ZFHX3: variants seen among roughly 807,000 people sequenced by gnomAD.
ZFHX3 encodes zinc finger homeobox protein 3.
Under a neutral mutation model 279.1 loss-of-function variants are expected in ZFHX3, and 42 were observed. The ratio of observed to expected loss-of-function variants is 0.15; its 90% confidence interval spans 0.12 to 0.19. The LOEUF (loss-of-function observed/expected upper bound fraction) is 0.19. Ranked by LOEUF, ZFHX3 falls within the 10% of genes least tolerant of loss-of-function variation. ZFHX3 has a pLI of 1.00. For missense variants in ZFHX3, 4,981 were observed against 4,754.0 expected (o/e 1.05, Z -1.40); for synonymous variants, 2,293 against 1,957.8 (o/e 1.17, Z -4.52).
Position 73,890,248 on chromosome 16 carries a change from A to C in ZFHX3, c.-1608+1403T>G, listed in dbSNP as rs374573512. On this transcript the variant is annotated intron_variant, in intron 1 of 17. Coordinates refer to the ZFHX3 transcript ENST00000641206. Reference sequence around the variant, plus strand: ...GAGTGTAAAAAAAAAACCAAAAAAAAAAAAAACAACAAAAAAAAACCTCTC... The same window carrying C: ...GAGTGTAAAAAAAAAACCAAAAAAACAAAAAACAACAAAAAAAAACCTCTC... Among the ~76,000 whole-genome samples, 813 of 151,320 alleles carry C rather than the reference A, an allele frequency of 5.4e-3. 4 individuals are homozygous for C. Among genetic ancestry groups the C allele is most frequent in the Admixed American group, 0.019 (282 of 15,210 alleles).
chr16:73,401,577 T>C (rs915549437), intron 3 of ZFHX3: 14 of 151,998 alleles, frequency 9.2e-5, no homozygotes, highest in African/African-American at 3.4e-4. Flanking sequence ...CGTGCTGAAT[T>C]CTAGATAACA....
At chr16:73,483,499 G>C (rs1192399898) in intron 2 of ZFHX3, 2 of 409,104 alleles carry the variant, frequency 4.9e-6, no homozygotes, top group Admixed American at 2.9e-5. Context: ...CGTCAGCCTC[G>C]ACGCTGAACA....
intron 7 of ZFHX3, chr16:73,127,389 T>C (rs1966587473): frequency 7.7e-7 from 1 of 1,305,416 alleles, no homozygotes; most frequent in African/African-American, 1.5e-5. Context: ...GCTAACTAAA[T>C]ATTTTTGGGG....
intron 5 of ZFHX3, among the ~76,000 whole-genome samples, chr16:73,234,250 A>G (rs914379936): frequency 1.3e-5 from 2 of 152,184 alleles, no homozygotes; most frequent in Non-Finnish European, 2.9e-5. Flanking sequence ...TGGAGGGCCT[A>G]TACAGACCTG....
At chr16:72,896,535 C>T (rs1351062981) in intron 3 of ZFHX3, among the ~76,000 whole-genome samples, 4 of 152,226 alleles carry the variant, frequency 2.6e-5, no homozygotes, top group Admixed American at 6.5e-5. Context: ...CGCTGTGCGA[C>T]TTTGTGGGAT....
intron 3 of ZFHX3, chr16:73,420,118 G>A (rs1428811314): frequency 6.6e-6 from 1 of 152,118 alleles, no homozygotes; most frequent in Admixed American, 6.6e-5. Context: ...ATGTTGTCCA[G>A]GCTTGTTTCA....
At chr16:72,833,929 T>G (rs1776153052) in intron 4 of ZFHX3, among the ~76,000 whole-genome samples, 2 of 152,186 alleles carry the variant, frequency 1.3e-5, no homozygotes, top group African/African-American at 4.8e-5. Flanking sequence ...ATTTCCATGT[T>G]CAACAGTGAC....
At chr16:73,777,534 CTTAG>C (rs1426521558) in intron 1 of ZFHX3, among the ~76,000 whole-genome samples, 1 of 97,288 alleles carries the variant, frequency 1.0e-5, no homozygotes, top group Non-Finnish European at 2.3e-5. Flanking sequence ...AAAAAAAAAG[CTTAG>C]TTAAATCTAA....
rs34987461 is a variant in ZFHX3, at chr16:73,004,321, C to CTTTT, written c.-50+43427_-50+43430dup. On this transcript the variant is annotated intron_variant, in intron 1 of 9. Coordinates refer to ENST00000268489, the MANE Select transcript of ZFHX3 (RefSeq NM_006885.4). ...TTTTTCTCTATCTGTATGCATCAAT[C>CTTTT]TTTTTTTTTTTTTTTTTTTTTTTTT... Among the ~76,000 whole-genome samples the CTTTT allele has an allele frequency of 1.5e-3, 79 of 52,110 alleles. 2 individuals carry two copies. The highest frequency in any genetic ancestry group is 1.7e-3 in the Non-Finnish European group (54 of 31,260). The allele number at this position is 52,110 out of a possible 152,430, so 34.2% of individuals were successfully genotyped here. A position where few individuals can be genotyped will look rare whatever the true frequency, so the allele number is the denominator to read the frequency against.
intron 4 of ZFHX3, among the ~76,000 whole-genome samples, chr16:73,308,623 C>A (rs562861650): frequency 1.3e-5 from 2 of 151,966 alleles, no homozygotes; most frequent in Non-Finnish European, 2.9e-5. Flanking sequence ...TTAATTCTCG[C>A]ATTGAATTTT....
chr16:73,863,683 T>C (rs1024228588), intron 1 of ZFHX3, among the ~76,000 whole-genome samples: 1 of 152,218 alleles, frequency 6.6e-6, no homozygotes, highest in Non-Finnish European at 1.5e-5. Context: ...TGTGTGCATA[T>C]ACCTTAGAGT....
At chr16:72,884,181 T>G (rs993390367) in intron 4 of ZFHX3, among the ~76,000 whole-genome samples, 1 of 152,176 alleles carries the variant, frequency 6.6e-6, no homozygotes, top group Non-Finnish European at 1.5e-5. Flanking sequence ...GAAACTTGGT[T>G]TAAAAAGTGA....
At chr16:73,296,747 G>A (rs950777662) in intron 4 of ZFHX3, among the ~76,000 whole-genome samples, 4 of 152,040 alleles carry the variant, frequency 2.6e-5, no homozygotes, top group African/African-American at 9.7e-5. Context: ...TACTAATAAT[G>A]ATATTGACAA....
In ZFHX3 at chr16:72,936,672, G is replaced by C. The variant is rs565676980; in HGVS notation, c.3216+13797C>G. Among the ~76,000 whole-genome samples the C allele has an allele frequency of 2.0e-5, 3 of 152,204 alleles. No homozygotes were observed. In the South Asian group the frequency reaches 6.2e-4, roughly 32 times the overall value. On this transcript the variant is annotated intron_variant, in intron 3 of 9. Coordinates refer to ENST00000268489, the MANE Select transcript of ZFHX3 (RefSeq NM_006885.4). ...TGCAGTGTAGGGGGCAAAGGGGAGAGGGTTGTAAAATGAGGTCAGCATGGT... is the reference window on the plus strand; with the variant it reads ...TGCAGTGTAGGGGGCAAAGGGGAGACGGTTGTAAAATGAGGTCAGCATGGT...
At chr16:73,178,608 T>C (rs73595286) in intron 5 of ZFHX3, among the ~76,000 whole-genome samples, 31,580 of 152,200 alleles carry the variant, frequency 0.21, 3,934 homozygotes, top group African/African-American at 0.35. Context: ...ACTTTATTCA[T>C]GTTCATCCTT....
chr16:72,796,478 G>A lies in ZFHX3; in HGVS notation c.6204C>T (p.Ala2068=). ...CAATTGTAGGTGAGGTGATGGGTGG[G>A]GCTGATGCGGGGATGGCTGGTGTGG... is the stretch of plus-strand genomic sequence containing the variant. The part of the protein sequence containing the change: ...PASTPAIPAS[A]PPITSPTIAP... Residue 2068 remains alanine (A), a synonymous_variant, in exon 9 of 10, where the codon GCC becomes GCT. Transcript: ENST00000268489. 2 of 1,608,396 alleles carry A rather than the reference G, an allele frequency of 1.2e-6. No homozygotes were observed. The highest frequency in any genetic ancestry group is 2.2e-5 in the East Asian group (1 of 44,732).
chr16:73,853,051 AG>A (rs1961628867), intron 1 of ZFHX3, among the ~76,000 whole-genome samples: 1 of 152,250 alleles, frequency 6.6e-6, no homozygotes, highest in Admixed American at 6.5e-5. Flanking sequence ...AAGAAACATC[AG>A]TGGTCAATAA....
intron 1 of ZFHX3, among the ~76,000 whole-genome samples, chr16:72,979,404 G>C (rs564838469): frequency 6.6e-6 from 1 of 152,286 alleles, no homozygotes; most frequent in African/African-American, 2.4e-5. Flanking sequence ...CACCAGCCAG[G>C]TGGCTCTCCA....
Position 72,959,421 on chromosome 16 carries a change from T to C in ZFHX3, c.725A>G (p.Lys242Arg). Residue 242 changes from lysine to arginine, a missense_variant, in exon 2 of 10, where the codon AAG (lysine) becomes AGG (arginine). Lys to Arg is a conservative substitution (Grantham distance 26). This residue lies in a region of ZFHX3 where 1,068 missense variants were observed against 935.2 expected (regional missense o/e 1.14). Transcript: ENST00000268489. ...AGAACCGTCGCTGTTCAGGTAATCC[T>C]TGTTGCTTTTGTGTCGCACGTCAAA... Reference protein sequence around the residue: ...RVFDVRHKSNKDYLNSDGSAK... With the variant: ...RVFDVRHKSNRDYLNSDGSAK... 8.1e-6 allele frequency: 13 copies of C among 1,614,242 alleles called. No homozygotes were observed. The highest frequency in any genetic ancestry group is 1.1e-5 in the Non-Finnish European group (13 of 1,180,024).
Sources: gnomAD v4.1 joint callset for allele counts (sites outside exome capture counted in the v4.1 genomes callset) on GRCh38, gnomAD v4.1.1 for gene constraint, gnomAD v4.1.1 regional missense constraint, MANE v1.5 for transcripts, NCBI Gene and HGNC (gene_info 2026-07-23, HGNC 2026-07-21) for gene names.